The following SARNP variants were observed in gnomAD, a reference collection of about 807,000 sequenced individuals.
SARNP encodes the protein SAP domain containing ribonucleoprotein, also known as SAP domain-containing ribonucleoprotein.
SARNP carries 5 observed loss-of-function variants against 38.1 expected under a neutral mutation model. That is an observed-to-expected ratio of 0.13 (90% CI 0.07 to 0.28). The LOEUF is 0.28. Ranked by LOEUF, SARNP falls within the 10% of genes least tolerant of loss-of-function variation. SARNP has a pLI of 1.00. For synonymous variants in SARNP, 84 were observed against 80.6 expected (o/e 1.04, Z -0.23); for missense variants, 180 against 243.9 (o/e 0.74, Z 1.75).
At chr12:55,764,052 C>T (rs144452595) in intron 9 of SARNP, among the ~76,000 whole-genome samples, 132 of 152,298 alleles carry the variant, frequency 8.7e-4, no homozygotes, top group African/African-American at 3.0e-3. Context: ...AATCACATCA[C>T]TCAAATAATC....
At chr12:55,764,832 CA>C (rs1162009254) in intron 9 of SARNP, among the ~76,000 whole-genome samples, 10,904 of 62,102 alleles carry the variant, frequency 0.18, 713 homozygotes, top group African/African-American at 0.33. Flanking sequence ...CTCTGTCTCA[CA>C]AAAAAAAAAA....
At chr12:55,796,337 C>G (rs970539324) in intron 4 of SARNP, among the ~76,000 whole-genome samples, 2 of 152,204 alleles carry the variant, frequency 1.3e-5, no homozygotes, top group Non-Finnish European at 2.9e-5. Flanking sequence ...GTTAAATATA[C>G]TGGGCTGAAG....
intron 9 of SARNP, among the ~76,000 whole-genome samples, chr12:55,775,548 A>G (rs1376401179): frequency 4.8e-5 from 7 of 144,774 alleles, no homozygotes; most frequent in Non-Finnish European, 7.4e-5. Context: ...AAAACAAAAA[A>G]CAAAAACAAA....
At chr12:55,817,484 T>C (rs1017061922) in intron 1 of SARNP, among the ~76,000 whole-genome samples, 182 bp downstream of exon 1, 2 of 151,804 alleles carry the variant, frequency 1.3e-5, no homozygotes, top group Non-Finnish European at 2.9e-5. Flanking sequence ...AGTAAAGCCG[T>C]GAGGAGAAAT....
chr12:55,807,813 C>CAAA (rs57965695), intron 1 of SARNP, among the ~76,000 whole-genome samples: 2 of 89,678 alleles, frequency 2.2e-5, no homozygotes, highest in African/African-American at 3.5e-5. Flanking sequence ...GACTTTGTCT[C>CAAA]AAAAAAAAAA....
At chr12:55,800,520 G>C in intron 4 of SARNP, 42 bp downstream of exon 4, 1 of 1,288,654 alleles carries the variant, frequency 7.8e-7, no homozygotes, top group Non-Finnish European at 1.1e-6. Flanking sequence ...TAAGAAAAGA[G>C]CTGCCTGCTC....
At chr12:55,804,252 G>A (rs944291235) in intron 1 of SARNP, among the ~76,000 whole-genome samples, 1 of 152,136 alleles carries the variant, frequency 6.6e-6, no homozygotes, top group Non-Finnish European at 1.5e-5. Flanking sequence ...AAGGATCTGT[G>A]TCAAAATGGG....
At chr12:55,764,591 C>A (rs1227673288) in intron 9 of SARNP, among the ~76,000 whole-genome samples, 1 of 150,092 alleles carries the variant, frequency 6.7e-6, no homozygotes, top group Non-Finnish European at 1.5e-5. Context: ...AATCCCAGCA[C>A]TTTGGGAGGC....
At chr12:55,755,596 C>G (rs1222058605), downstream of SARNP, 1 of 152,148 alleles carries the variant, frequency 6.6e-6, no homozygotes, top group East Asian at 1.9e-4. Context: ...GCCTCAATGT[C>G]TGTTCCATCT....
intron 9 of SARNP, among the ~76,000 whole-genome samples, chr12:55,763,970 G>A (rs566183084): frequency 6.6e-6 from 1 of 152,152 alleles, no homozygotes; most frequent in East Asian, 1.9e-4. Context: ...AAGAACAGTA[G>A]GACAATTAAG....
Position 55,757,291 on chromosome 12 carries a change from A to G in SARNP, c.*221T>C. 1 of 392,884 alleles carries G rather than the reference A, an allele frequency of 2.5e-6. No individual in the cohort carries two copies. The highest frequency in any genetic ancestry group is 4.6e-6 in the Non-Finnish European group (1 of 218,532). 24.3% of individuals were successfully genotyped at this position (392,884 alleles called of 1,614,324 possible). A position where few individuals can be genotyped will look rare whatever the true frequency, so the allele number is the denominator to read the frequency against. On this transcript the variant is annotated 3_prime_UTR_variant, in exon 11 of 11. Coordinates refer to ENST00000336133, the MANE Select transcript of SARNP (RefSeq NM_033082.4). ...ATTGTTCTCTTTTCTATTTTTTTTT[A>G]TTAACAAGCAACATAATCAAAAACA...
intron 9 of SARNP, among the ~76,000 whole-genome samples, chr12:55,776,626 T>G (rs1368583397): frequency 6.6e-6 from 1 of 152,130 alleles, no homozygotes. Context: ...TACAGAGGGC[T>G]GAGTATACTT....
intron 1 of SARNP, among the ~76,000 whole-genome samples, chr12:55,811,142 T>C (rs189648649): frequency 6.6e-6 from 1 of 152,166 alleles, no homozygotes; most frequent in African/African-American, 2.4e-5. Context: ...GTAAATTCTT[T>C]GAAGGCAGAG....
At chr12:55,816,309 A>G (rs911418814) in intron 1 of SARNP, among the ~76,000 whole-genome samples, 2 of 152,258 alleles carry the variant, frequency 1.3e-5, no homozygotes. Context: ...CCAGAAGTAT[A>G]CAATTTCTAT....
intron 9 of SARNP, among the ~76,000 whole-genome samples, chr12:55,783,554 G>A (rs1406276061): frequency 6.9e-6 from 1 of 145,258 alleles, no homozygotes; most frequent in Non-Finnish European, 1.5e-5. Context: ...TGGGCAGAGG[G>A]AAAAGGACAT....
At chr12:55,758,436 G>C (rs893397980) in intron 10 of SARNP, among the ~76,000 whole-genome samples, 9 of 152,102 alleles carry the variant, frequency 5.9e-5, no homozygotes, top group Admixed American at 4.6e-4. Context: ...CACGAGGTCA[G>C]GAGTTCAAGA....
intron 9 of SARNP, among the ~76,000 whole-genome samples, chr12:55,785,906 T>C (rs1481950851): frequency 6.6e-6 from 1 of 152,040 alleles, no homozygotes; most frequent in African/African-American, 2.4e-5. Context: ...CCCAAAATAA[T>C]GGGATTTCAG....
At chr12:55,767,452 T>TG (rs1018863816) in intron 9 of SARNP, among the ~76,000 whole-genome samples, 3 of 147,852 alleles carry the variant, frequency 2.0e-5, no homozygotes, top group African/African-American at 7.5e-5. Flanking sequence ...GAGAGGCTGA[T>TG]GGGGGAGGAC....
rs1004632965 is a variant in SARNP at position 55,757,407 on chromosome 12, G to C, written c.*105C>G. 1.4e-5 allele frequency: 12 copies of C among 878,186 alleles called. No homozygotes were observed. Among genetic ancestry groups the C allele is most frequent in the Non-Finnish European group, 2.0e-5 (12 of 592,046 alleles). The allele number at this position is 878,186 out of a possible 1,614,324, so 54.4% of individuals were successfully genotyped here. ...CCTGGGGTACATGCTCCCTCATTGCGAGGCAGGACGTAGGCACATGACTGT... is the reference window on the plus strand; with the variant it reads ...CCTGGGGTACATGCTCCCTCATTGCCAGGCAGGACGTAGGCACATGACTGT... On this transcript the variant is annotated 3_prime_UTR_variant, in exon 11 of 11. Coordinates refer to ENST00000336133, the MANE Select transcript of SARNP (RefSeq NM_033082.4).
Sources: gnomAD v4.1 joint callset for allele counts (sites outside exome capture counted in the v4.1 genomes callset) on GRCh38, gnomAD v4.1.1 for gene constraint, MANE v1.5 for transcripts, NCBI Gene and HGNC (gene_info 2026-07-23, HGNC 2026-07-21) for gene names.